Variants in MECOM observed in about 807,000 individuals in gnomAD.
The protein encoded by MECOM is histone-lysine N-methyltransferase MECOM.
MECOM carries 13 observed loss-of-function variants against 116.3 expected under a neutral mutation model. The ratio of observed to expected loss-of-function variants is 0.11; its 90% CI spans 0.07 to 0.18. The LOEUF is 0.18. Ranked by LOEUF, MECOM falls within the 10% of genes least tolerant of loss-of-function variation. The pLI is 1.00. For missense variants in MECOM, 1,299 were observed against 1,509.0 expected (o/e 0.86, Z 2.31); for synonymous variants, 528 against 535.2 (o/e 0.99, Z 0.19).
chr3:169,211,197 A>G (rs1173594984), intron 2 of MECOM, among the ~76,000 whole-genome samples: 1 of 152,056 alleles, frequency 6.6e-6, no homozygotes, highest in Non-Finnish European at 1.5e-5. Flanking sequence ...TGGCAGTACC[A>G]TTTTACATTC....
intron 2 of MECOM, among the ~76,000 whole-genome samples, chr3:169,172,950 C>T (rs1244815860): frequency 6.6e-6 from 1 of 152,114 alleles, no homozygotes; most frequent in Non-Finnish European, 1.5e-5. Flanking sequence ...ACCCTACATA[C>T]TATATAACTA....
intron 2 of MECOM, among the ~76,000 whole-genome samples, chr3:169,208,067 T>C (rs1291580126): frequency 6.6e-6 from 1 of 151,844 alleles, no homozygotes; most frequent in African/African-American, 2.4e-5. Context: ...ATAAGAAAAT[T>C]AGAACTCAGT....
intron 1 of MECOM, among the ~76,000 whole-genome samples, chr3:169,533,591 T>TTAC (rs55667588): frequency 1.5e-5 from 2 of 132,238 alleles, no homozygotes; most frequent in African/African-American, 5.8e-5. Flanking sequence ...TTTTTTTTTT[T>TTAC]ATTTCCTTAT....
intron 1 of MECOM, among the ~76,000 whole-genome samples, chr3:169,482,290 A>G (rs1489871451): frequency 6.7e-6 from 1 of 149,466 alleles, no homozygotes; most frequent in African/African-American, 2.5e-5. Context: ...GGGGAGGAGC[A>G]CTGCAGAGCT....
At chr3:169,389,770 A>G (rs1733938696) in intron 1 of MECOM, among the ~76,000 whole-genome samples, 1 of 152,216 alleles carries the variant, frequency 6.6e-6, no homozygotes, top group African/African-American at 2.4e-5. Flanking sequence ...AAAAGAAGGC[A>G]GGCATTTCCT....
chr3:169,651,455 A>T (rs1348643066), intron 1 of MECOM, among the ~76,000 whole-genome samples: 1 of 152,152 alleles, frequency 6.6e-6, no homozygotes, highest in Non-Finnish European at 1.5e-5. Flanking sequence ...TCATCAGGAT[A>T]TTGGTCTGTA....
intron 2 of MECOM, among the ~76,000 whole-genome samples, chr3:169,165,913 G>A (rs1743522676): frequency 6.6e-6 from 1 of 152,160 alleles, no homozygotes; most frequent in Non-Finnish European, 1.5e-5. Context: ...TGTGTTTTGA[G>A]ATGGAAAACA....
intron 1 of MECOM, among the ~76,000 whole-genome samples, chr3:169,563,460 C>G (rs991182815): frequency 6.6e-6 from 1 of 152,184 alleles, no homozygotes; most frequent in East Asian, 1.9e-4. Flanking sequence ...TTGAAAACAT[C>G]TTTTGTGAAC....
chr3:169,341,902 A>G (rs1724608548), intron 2 of MECOM, among the ~76,000 whole-genome samples: 1 of 152,174 alleles, frequency 6.6e-6, no homozygotes, highest in South Asian at 2.1e-4. Flanking sequence ...CCCATTCTCC[A>G]TGATGTGCTT....
chr3:169,590,439 T>C (rs1309752010), intron 1 of MECOM, among the ~76,000 whole-genome samples: 4 of 152,208 alleles, frequency 2.6e-5, no homozygotes, highest in Admixed American at 1.3e-4. Flanking sequence ...CACAGAGGAA[T>C]GGCCAGTGCA....
chr3:169,219,899 C>T (rs1342134249), intron 2 of MECOM, among the ~76,000 whole-genome samples: 1 of 148,792 alleles, frequency 6.7e-6, no homozygotes, highest in East Asian at 1.9e-4. Context: ...GGAACCATCT[C>T]ATTAAGTTTT....
chr3:169,220,857 C>G (rs1218496584), intron 2 of MECOM, among the ~76,000 whole-genome samples: 1 of 152,210 alleles, frequency 6.6e-6, no homozygotes, highest in African/African-American at 2.4e-5. Flanking sequence ...GAATTTTTGT[C>G]TGTCTTGTTG....
At chr3:169,214,882 T>TTA (rs1484200963) in intron 2 of MECOM, among the ~76,000 whole-genome samples, 1 of 147,864 alleles carries the variant, frequency 6.8e-6, no homozygotes, top group Admixed American at 6.8e-5. Flanking sequence ...CTAATATCTA[T>TTA]TATATATATA....
At chr3:169,266,417 G>C (rs893127602) in intron 2 of MECOM, among the ~76,000 whole-genome samples, 2 of 152,280 alleles carry the variant, frequency 1.3e-5, no homozygotes, top group South Asian at 2.1e-4. Context: ...ACCATTAAAC[G>C]TACAGGGCAA....
chr3:169,152,768 C>T (rs1741368150), intron 2 of MECOM, among the ~76,000 whole-genome samples: 1 of 152,182 alleles, frequency 6.6e-6, no homozygotes, highest in Non-Finnish European at 1.5e-5. Flanking sequence ...TTACCTACTT[C>T]CTTTCTTATT....
At chr3:169,616,871 T>C (rs374321439) in intron 1 of MECOM, among the ~76,000 whole-genome samples, 2 of 152,342 alleles carry the variant, frequency 1.3e-5, no homozygotes, top group East Asian at 3.9e-4. Flanking sequence ...GAACCTTAGA[T>C]GCATAGAGCT....
intron 2 of MECOM, among the ~76,000 whole-genome samples, chr3:169,192,185 T>C (rs1747793510): frequency 6.6e-6 from 1 of 152,084 alleles, no homozygotes; most frequent in African/African-American, 2.4e-5. Context: ...ATTCTAACTT[T>C]TGTTTATTTG....
intron 12 of MECOM, among the ~76,000 whole-genome samples, chr3:169,098,728 G>A (rs755839385): frequency 9.9e-5 from 15 of 151,906 alleles, no homozygotes; most frequent in Admixed American, 3.3e-4. Context: ...GGGTCTCGCT[G>A]TGTTGTCCAG....
intron 1 of MECOM, among the ~76,000 whole-genome samples, chr3:169,468,349 T>C (rs1748651833): frequency 6.6e-6 from 1 of 152,178 alleles, no homozygotes; most frequent in Admixed American, 6.5e-5. Flanking sequence ...TCATGTTCTC[T>C]CTTTTATGTG....
Sources: gnomAD v4.1 joint callset for allele counts (sites outside exome capture counted in the v4.1 genomes callset) on GRCh38, gnomAD v4.1.1 for gene constraint, MANE v1.5 for transcripts, NCBI Gene and HGNC (gene_info 2026-07-23, HGNC 2026-07-21) for gene names.